The following ADAMTS2 variants were observed in gnomAD, a reference collection of about 807,000 sequenced individuals.
ADAMTS2 encodes the protein ADAM metallopeptidase with thrombospondin type 1 motif 2.
In ADAMTS2, 50 loss-of-function variants were observed where a neutral mutation model predicts 123.0. The observed-to-expected ratio is 0.41, with a 90% CI of 0.32 to 0.51. The LOEUF (loss-of-function observed/expected upper bound fraction) is 0.51. ADAMTS2 is among the 20% of genes least tolerant of loss of function. ADAMTS2 has a pLI of 0.35. For missense variants in ADAMTS2, 1,494 were observed against 1,705.2 expected, an observed-to-expected ratio of 0.88 and a Z score of 2.18; for synonymous variants, 678 against 695.4, an observed-to-expected ratio of 0.98 and a Z score of 0.39.
intron 5 of ADAMTS2, among the ~76,000 whole-genome samples, chr5:179,159,085 C>T (rs1763545723): frequency 1.3e-5 from 2 of 152,232 alleles, no homozygotes; most frequent in South Asian, 4.1e-4. Context: ...TCACACTCAC[C>T]TGCGTGAGTT....
chr5:179,340,712 T>C (rs945524278), intron 2 of ADAMTS2, among the ~76,000 whole-genome samples: 3 of 152,064 alleles, frequency 2.0e-5, no homozygotes, highest in African/African-American at 7.2e-5. Context: ...GCTGTGAGGA[T>C]TAAACAAGGC....
In ADAMTS2 at chr5:179,228,334, G is replaced by C. The variant is rs10044299; in HGVS notation, c.689-20619C>G. Among the ~76,000 whole-genome samples the C allele has an allele frequency of 0.093, 14,120 of 152,266 alleles. 1,115 individuals carry two copies. Among genetic ancestry groups the C allele is most frequent in the East Asian group, 0.38 (1,948 of 5,148 alleles). ...CACAGAGGTGACAGGAACGGGCCAGGTGCACGGACAGGGCTGTTCCTGACT... is the reference window on the plus strand; with the variant it reads ...CACAGAGGTGACAGGAACGGGCCAGCTGCACGGACAGGGCTGTTCCTGACT... On this transcript the variant is annotated intron_variant, in intron 3 of 21. Transcript: ENST00000251582. This position sits in a 1 kb window ranked among gnomAD's most constrained non-coding sequence, Gnocchi z 5.2.
In ADAMTS2 at chr5:179,345,287, G is replaced by C. The variant is rs1581302053; in HGVS notation, c.42C>G (p.Pro14=). Residue 14 remains proline (P), a synonymous_variant, in exon 1 of 22, where the codon CCC becomes CCG. Transcript: ENST00000251582. The surrounding 1 kb of genome is among the most constrained non-coding windows in gnomAD (Gnocchi z 7.5). Reference sequence around the variant, plus strand: ...GCAGCAGCAGCAGCAGCAGCAGCGCGGGGCAGAGCAGGCGGCGAGCGGCTC... The same window carrying C: ...GCAGCAGCAGCAGCAGCAGCAGCGCCGGGCAGAGCAGGCGGCGAGCGGCTC... ...PAGAARRLLC[P]ALLLLLLLLP... 2.6e-6 allele frequency: 3 copies of C among 1,136,310 alleles called. No homozygotes were observed. Among genetic ancestry groups the C allele is most frequent in the Non-Finnish European group, 3.2e-6 (3 of 929,066 alleles). The allele number at this position is 1,136,310 out of a possible 1,614,324, so 70.4% of individuals were successfully genotyped here. A position where few individuals can be genotyped will look rare whatever the true frequency, so the allele number is the denominator to read the frequency against.
In ADAMTS2 at chr5:179,207,687, G is replaced by A. The variant is rs1561805614; in HGVS notation, c.717C>T (p.Leu239=). 6 of 1,612,546 alleles carry A rather than the reference G, an allele frequency of 3.7e-6. No homozygotes were observed. Among genetic ancestry groups the A allele is most frequent in the Non-Finnish European group, 5.1e-6 (6 of 1,180,008 alleles). ...CCTCTAGGACGCCCAGGGCGCGGCT[G>A]AGGCTGTCCAGGCTGTCCAGGGAGG... is the stretch of plus-strand genomic sequence containing the variant. ...TGASLDSLDS[L]SRALGVLEEH... The change falls in exon 4 of 22, where the codon CTC becomes CTT. Residue 239 remains leucine (L), a synonymous_variant. Transcript: ENST00000251582.
At chr5:179,209,995 C>T (rs577153622) in intron 3 of ADAMTS2, among the ~76,000 whole-genome samples, 1 of 152,360 alleles carries the variant, frequency 6.6e-6, no homozygotes, top group Non-Finnish European at 1.5e-5. Context: ...CACAGAGGCA[C>T]TCGTTGAGGT....
At chr5:179,313,154 G>T (rs1419178593) in intron 2 of ADAMTS2, among the ~76,000 whole-genome samples, 2 of 152,236 alleles carry the variant, frequency 1.3e-5, no homozygotes, top group African/African-American at 4.8e-5. Context: ...GCCTTACCGG[G>T]GCTCCCTCCT....
At position 179,242,699 on chromosome 5, in the gene ADAMTS2, C is replaced by T. The variant is rs1765695403; in HGVS notation, c.688+30212G>A. Among the ~76,000 whole-genome samples the T allele has an allele frequency of 6.6e-6, 1 of 152,124 alleles. No homozygotes were observed. The highest frequency in any genetic ancestry group is 2.1e-4 in the South Asian group (1 of 4,816). ...CCCGCTTCTAGTCCTTCCAGTTCAG[C>T]TTATGGGGAGTTCCACTCTGGGGGT... On this transcript the variant is annotated intron_variant, in intron 3 of 21. Coordinates refer to ENST00000251582, the MANE Select transcript of ADAMTS2 (RefSeq NM_014244.5). The surrounding 1 kb of genome is among the most constrained non-coding windows in gnomAD (Gnocchi z 4.2).
intron 3 of ADAMTS2, among the ~76,000 whole-genome samples, chr5:179,243,771 A>G (rs909954544): frequency 6.6e-6 from 1 of 152,248 alleles, no homozygotes; most frequent in Non-Finnish European, 1.5e-5. Flanking sequence ...ATGTCTTTGA[A>G]AAAAGGAAAC....
At chr5:179,292,026 G>C (rs1173108417) in intron 2 of ADAMTS2, among the ~76,000 whole-genome samples, 1 of 151,970 alleles carries the variant, frequency 6.6e-6, no homozygotes, top group Non-Finnish European at 1.5e-5. Flanking sequence ...TTACAGATGT[G>C]AGCCACCACA....
chr5:179,115,160 C>T lies in ADAMTS2; in HGVS notation c.3179-836G>A, dbSNP rs574440226. Among the ~76,000 whole-genome samples, 29 of 152,244 alleles carry T rather than the reference C, an allele frequency of 1.9e-4. No homozygotes were observed. The highest frequency in any genetic ancestry group is 5.5e-4 in the African/African-American group (23 of 41,522). On this transcript the variant is annotated intron_variant, in intron 21 of 21. Transcript: ENST00000251582. This position sits in a 1 kb window ranked among gnomAD's most constrained non-coding sequence, Gnocchi z 4.4. ...GTGGTCCAGCTTACATGGAGAGCCC[C>T]GACTCTCCACAGAAGCCACCATTAT...
intron 2 of ADAMTS2, among the ~76,000 whole-genome samples, chr5:179,316,619 G>C (rs1257367583): frequency 6.6e-6 from 1 of 152,204 alleles, no homozygotes; most frequent in Non-Finnish European, 1.5e-5. Flanking sequence ...GCAAGGCCCA[G>C]GGCAGAGCAG....
At chr5:179,160,826 GTGAC>G (rs567216049) in intron 5 of ADAMTS2, among the ~76,000 whole-genome samples, 1 of 152,326 alleles carries the variant, frequency 6.6e-6, no homozygotes, top group South Asian at 2.1e-4. Context: ...GGAAGAGCAT[GTGAC>G]TAGCTCTGGC....
At chr5:179,259,385 G>A (rs911694226) in intron 3 of ADAMTS2, among the ~76,000 whole-genome samples, 2 of 152,340 alleles carry the variant, frequency 1.3e-5, no homozygotes, top group East Asian at 3.9e-4. Flanking sequence ...GGCTGTGCCT[G>A]TCTGGTCCCA....
intron 2 of ADAMTS2, among the ~76,000 whole-genome samples, chr5:179,321,879 A>G (rs1757191539): frequency 6.6e-6 from 1 of 152,066 alleles, no homozygotes; most frequent in Non-Finnish European, 1.5e-5. Context: ...CCACAGACCC[A>G]AGTGCCTGGA....
Position 179,153,476 on chromosome 5 carries a change from G to A in ADAMTS2, c.1515+15C>T, listed in dbSNP as rs760153772. 5 of 1,606,506 alleles carry A rather than the reference G, an allele frequency of 3.1e-6. No homozygotes were observed. The highest frequency in any genetic ancestry group is 2.7e-5 in the African/African-American group (2 of 74,926). On this transcript the variant is annotated intron_variant, in intron 9 of 21. Transcript: ENST00000251582. The stretch of plus-strand genomic sequence containing the variant: ...CAGACCTGGGAGGGTCCCGGCTGCA[G>A]GGCTGCACACTCACCGCCGTGCACA...
intron 3 of ADAMTS2, among the ~76,000 whole-genome samples, chr5:179,259,662 G>A (rs1247907655): frequency 6.6e-6 from 1 of 152,236 alleles, no homozygotes; most frequent in Non-Finnish European, 1.5e-5. Context: ...CTGATACCGG[G>A]TCTGTCGTTC....
chr5:179,302,339 T>G (rs1756549765), intron 2 of ADAMTS2, among the ~76,000 whole-genome samples: 1 of 126,894 alleles, frequency 7.9e-6, no homozygotes, highest in Non-Finnish European at 1.6e-5. Context: ...GGGGGGCGCC[T>G]GTAGTCCCAG....
intron 2 of ADAMTS2, among the ~76,000 whole-genome samples, chr5:179,341,074 T>C (rs1757758493): frequency 1.3e-5 from 2 of 152,132 alleles, no homozygotes; most frequent in East Asian, 3.9e-4. Flanking sequence ...GCTCCACCTG[T>C]AACCAGGGAT....
rs774954617 is a variant in ADAMTS2, at chr5:179,188,735, G to A, written c.892-7580C>T. ...AAGGCCACCCCCTCACTCCTCAGGC[G>A]ACGTCTCCTGTGCCTGTCCACACTC... is the stretch of plus-strand genomic sequence containing the variant. On this transcript the variant is annotated intron_variant, in intron 4 of 21. Transcript: ENST00000251582. This position sits in a 1 kb window ranked among gnomAD's most constrained non-coding sequence, Gnocchi z 5.1. Among the ~76,000 whole-genome samples the A allele has an allele frequency of 2.6e-5, 4 of 152,178 alleles. No individual in the cohort carries two copies. In the South Asian group the frequency reaches 6.2e-4, roughly 24 times the overall value.
Sources: gnomAD v4.1 joint callset for allele counts (sites outside exome capture counted in the v4.1 genomes callset) on GRCh38, gnomAD v4.1.1 for gene constraint, Gnocchi (gnomAD v3.1) non-coding constraint, MANE v1.5 for transcripts, NCBI Gene and HGNC (gene_info 2026-07-23, HGNC 2026-07-21) for gene names.